The following NAALADL2 variants were observed in gnomAD, a reference collection of about 807,000 sequenced individuals.
NAALADL2 encodes inactive N-acetylated-alpha-linked acidic dipeptidase-like protein 2.
NAALADL2 carries 76 observed loss-of-function variants against 87.2 expected under a neutral mutation model. The observed-to-expected ratio is 0.87, with a 90% CI of 0.72 to 1.05. NAALADL2 has a LOEUF of 1.05. NAALADL2 is among the 50% of genes least tolerant of loss of function. The pLI, the probability that NAALADL2 is intolerant of heterozygous loss-of-function variation, is 0.00. For missense variants in NAALADL2, 1,089 were observed against 945.8 expected (o/e 1.15, Z -1.99); for synonymous variants, 354 against 331.0 (o/e 1.07, Z -0.75).
intron 9 of NAALADL2, among the ~76,000 whole-genome samples, chr3:175,475,019 T>G (rs1179105300): frequency 1.2e-4 from 7 of 59,982 alleles, no homozygotes; most frequent in Admixed American, 4.4e-4. Context: ...GCACAAACAT[T>G]TAAGTACACA....
Position 175,314,692 on chromosome 3 carries a change from A to AGTTC in NAALADL2, c.940-9483_940-9482insGTTC, listed in dbSNP as rs1450498023. 1.2e-3 allele frequency among the ~76,000 whole-genome samples: 84 copies of AGTTC among 68,322 alleles called. 2 individuals carry two copies. Among genetic ancestry groups the AGTTC allele is most frequent in the Non-Finnish European group, 1.9e-3 (67 of 35,134 alleles). 44.8% of individuals were successfully genotyped at this position (68,322 alleles called of 152,430 possible). Reference sequence around the variant, plus strand: ...TATATATATATATATATATATATATATATATATATATATATATATATATAT... The same window carrying AGTTC: ...TATATATATATATATATATATATATAGTTCTATATATATATATATATATATATAT... On this transcript the variant is annotated intron_variant, in intron 4 of 13. Coordinates refer to ENST00000454872, the MANE Select transcript of NAALADL2 (RefSeq NM_207015.3).
intron 2 of NAALADL2, among the ~76,000 whole-genome samples, chr3:174,623,050 A>G (rs937231560): frequency 3.3e-5 from 5 of 152,194 alleles, no homozygotes; most frequent in African/African-American, 9.7e-5. Context: ...CTCAAAAAAA[A>G]AGAGGACTCA....
chr3:175,199,864 A>ATTTT (rs869050569), intron 2 of NAALADL2, among the ~76,000 whole-genome samples: 4 of 13,054 alleles, frequency 3.1e-4, no homozygotes, highest in Non-Finnish European at 2.9e-4. Flanking sequence ...ATATATATAT[A>ATTTT]TTTTTTTTTT....
chr3:175,720,417 A>G (rs73881363), intron 11 of NAALADL2, among the ~76,000 whole-genome samples: 3,745 of 152,184 alleles, frequency 0.025, 159 homozygotes, highest in African/African-American at 0.083. Context: ...TGTTGAAGTG[A>G]AAAATAAATG....
At chr3:175,608,048 G>T (rs1724031901) in intron 10 of NAALADL2, among the ~76,000 whole-genome samples, 1 of 151,506 alleles carries the variant, frequency 6.6e-6, no homozygotes, top group Admixed American at 6.6e-5. Flanking sequence ...ACAAAACCTG[G>T]ATTAGAATCC....
At chr3:175,683,080 A>G (rs1172871751) in intron 11 of NAALADL2, among the ~76,000 whole-genome samples, 1 of 152,064 alleles carries the variant, frequency 6.6e-6, no homozygotes, top group African/African-American at 2.4e-5. Context: ...CAAGAAACAG[A>G]AAATTGTGAG....
chr3:175,601,074 G>A (rs1722922966), intron 10 of NAALADL2, among the ~76,000 whole-genome samples: 1 of 151,802 alleles, frequency 6.6e-6, no homozygotes, highest in Non-Finnish European at 1.5e-5. Flanking sequence ...TTTCCGCTTA[G>A]AAAAGACAAT....
At chr3:174,477,818 A>G (rs1401534810) in intron 1 of NAALADL2, among the ~76,000 whole-genome samples, 1 of 152,194 alleles carries the variant, frequency 6.6e-6, no homozygotes, top group Non-Finnish European at 1.5e-5. Context: ...GATATCATAC[A>G]TAGGTGAATA....
intron 11 of NAALADL2, among the ~76,000 whole-genome samples, chr3:175,673,088 T>A (rs1458032631): frequency 1.3e-5 from 2 of 152,182 alleles, no homozygotes; most frequent in Non-Finnish European, 2.9e-5. Context: ...ATTTCCCTCT[T>A]AATATTTATT....
intron 10 of NAALADL2, among the ~76,000 whole-genome samples, chr3:175,594,406 C>G (rs1721966938): frequency 6.6e-6 from 1 of 152,044 alleles, no homozygotes; most frequent in African/African-American, 2.4e-5. Context: ...CTGATCGGTA[C>G]CTAGGTTAAT....
chr3:174,604,061 A>C (rs1019974093), intron 2 of NAALADL2, among the ~76,000 whole-genome samples: 2 of 152,102 alleles, frequency 1.3e-5, no homozygotes, highest in African/African-American at 4.8e-5. Flanking sequence ...ATGTTCTATA[A>C]ATATATATTA....
chr3:174,519,727 T>G (rs1232366664), intron 1 of NAALADL2, among the ~76,000 whole-genome samples: 4 of 152,048 alleles, frequency 2.6e-5, no homozygotes, highest in African/African-American at 7.2e-5. Context: ...CTAACCAGAA[T>G]TAAAAGCAAA....
chr3:175,663,447 T>C (rs2149817248), intron 11 of NAALADL2, among the ~76,000 whole-genome samples: 1 of 151,970 alleles, frequency 6.6e-6, no homozygotes, highest in Middle Eastern at 3.4e-3. Flanking sequence ...TCTCTATTTT[T>C]TAGTTGTCCT....
intron 1 of NAALADL2, among the ~76,000 whole-genome samples, chr3:175,074,378 C>A (rs11925540): frequency 0.13 from 20,333 of 151,894 alleles, 1,646 homozygotes; most frequent in East Asian, 0.21. Context: ...TCTCAAAGCC[C>A]AATTTTTAAT....
Position 175,803,226 on chromosome 3 carries a change from A to C in NAALADL2, c.*23A>C. On this transcript the variant is annotated 3_prime_UTR_variant, in exon 14 of 14. Coordinates refer to ENST00000454872, the MANE Select transcript of NAALADL2 (RefSeq NM_207015.3). ...TGAGAAAACTCTGAGCATTTTTAAA[A>C]GTTTGTTTACAATTCCACAAGCAAA... 6.4e-7 allele frequency: 1 copy of C among 1,553,616 alleles called. No homozygotes were observed. Among genetic ancestry groups the C allele is most frequent in the Non-Finnish European group, 8.7e-7 (1 of 1,146,540 alleles).
intron 1 of NAALADL2, among the ~76,000 whole-genome samples, chr3:175,066,026 G>A (rs1321256305): frequency 7.9e-5 from 12 of 152,124 alleles, no homozygotes; most frequent in Admixed American, 7.2e-4. Context: ...AATGCACTTT[G>A]AGATTCAACC....
chr3:175,330,271 A>G (rs761228806), intron 5 of NAALADL2, among the ~76,000 whole-genome samples: 44 of 152,168 alleles, frequency 2.9e-4, no homozygotes, highest in Admixed American at 2.2e-3. Context: ...TTTACCTTGT[A>G]TGGTTGCTTC....
chr3:175,604,298 A>ATTTTTTTT (rs33971019), intron 10 of NAALADL2, among the ~76,000 whole-genome samples: 1 of 83,562 alleles, frequency 1.2e-5, no homozygotes, highest in African/African-American at 4.4e-5. Flanking sequence ...TGACATTGAA[A>ATTTTTTTT]TTTTTTTTTT....
chr3:174,725,537 A>G (rs1232563586), intron 2 of NAALADL2, among the ~76,000 whole-genome samples: 2 of 152,178 alleles, frequency 1.3e-5, no homozygotes, highest in African/African-American at 4.8e-5. Context: ...TTTATAAACC[A>G]TTTCGTAATT....
Sources: allele counts gnomAD v4.1 joint callset (sites outside exome capture counted in the v4.1 genomes callset), GRCh38; gene constraint gnomAD v4.1.1; transcripts MANE v1.5; gene names NCBI Gene and HGNC (gene_info 2026-07-23, HGNC 2026-07-21).